Variants in FAM20B observed in about 807,000 individuals in gnomAD.
FAM20B encodes glycosaminoglycan xylosylkinase.
FAM20B carries 23 observed loss-of-function variants against 43.8 expected under a neutral mutation model. The ratio of observed to expected loss-of-function variants is 0.53; its 90% CI spans 0.38 to 0.74. The LOEUF (loss-of-function observed/expected upper bound fraction) is 0.74, where lower values mean the gene tolerates loss of function less well. Among genes scored for constraint, FAM20B ranks in the 30% least tolerant of loss-of-function variants. The pLI is 0.00. For missense variants in FAM20B, 440 were observed against 510.5 expected (o/e 0.86, Z 1.33); for synonymous variants, 178 against 192.4 (o/e 0.93, Z 0.62).
At chr1:179,018,861 A>G in the FAM20B span, among the ~76,000 whole-genome samples, 3 of 152,168 alleles carry the variant, frequency 2.0e-5, no homozygotes, top group Non-Finnish European at 2.9e-5. Flanking sequence ...AAGTCCCACA[A>G]TCTGCTGTCT....
At chr1:179,044,265 AT>A (rs776497148) in intron 2 of FAM20B, 41 bp downstream of exon 2, 4 of 1,548,566 alleles carry the variant, frequency 2.6e-6, no homozygotes, top group East Asian at 2.3e-5. Flanking sequence ...TAGTTGGTTG[AT>A]TCATTTAACT....
upstream of FAM20B, among the ~76,000 whole-genome samples, chr1:179,021,174 T>C (rs1438604155): frequency 6.6e-6 from 1 of 152,246 alleles, no homozygotes; most frequent in African/African-American, 2.4e-5. Flanking sequence ...CTGAACTCCT[T>C]ACCACATTAT....
At chr1:179,035,713 T>C (rs1441430580) in intron 1 of FAM20B, 11 of 323,214 alleles carry the variant, frequency 3.4e-5, no homozygotes, top group Non-Finnish European at 6.5e-5. Flanking sequence ...AGACCTCACT[T>C]TTTTTCTGTG....
At chr1:179,044,334 A>G in intron 2 of FAM20B, 110 bp downstream of exon 2, 2 of 1,234,654 alleles carry the variant, frequency 1.6e-6, no homozygotes, top group Non-Finnish European at 2.2e-6. Flanking sequence ...TCAGTAAAAT[A>G]AGAGGGGTAG....
intron 2 of FAM20B, among the ~76,000 whole-genome samples, chr1:179,046,486 A>C (rs929500504): frequency 3.3e-5 from 5 of 151,592 alleles, no homozygotes; most frequent in Admixed American, 2.6e-4. Flanking sequence ...CCCCATCTCT[A>C]CTAAAAATAC....
At chr1:179,032,138 C>T (rs987910260) in intron 1 of FAM20B, among the ~76,000 whole-genome samples, 1 of 152,106 alleles carries the variant, frequency 6.6e-6, no homozygotes, top group African/African-American at 2.4e-5. Flanking sequence ...TGGCCCCTCA[C>T]TATGTAACTG....
chr1:179,037,304 C>T (rs1212821041), intron 1 of FAM20B, among the ~76,000 whole-genome samples: 1 of 151,822 alleles, frequency 6.6e-6, no homozygotes, highest in East Asian at 1.9e-4. Context: ...CACTCTTACT[C>T]ATTCCACCAG....
At chr1:179,070,067 A>G (rs1311120771) in intron 7 of FAM20B, among the ~76,000 whole-genome samples, 2 of 152,148 alleles carry the variant, frequency 1.3e-5, no homozygotes, top group Non-Finnish European at 2.9e-5. Context: ...TTATTTTGAG[A>G]TGGAGTCTCG....
chr1:179,067,974 G>A (rs1651759511), intron 7 of FAM20B, among the ~76,000 whole-genome samples: 1 of 152,066 alleles, frequency 6.6e-6, no homozygotes, highest in African/African-American at 2.4e-5. Flanking sequence ...TGTTGGCCAG[G>A]CTGGTGTCAA....
intron 1 of FAM20B, among the ~76,000 whole-genome samples, chr1:179,030,077 T>G (rs1649944097): frequency 1.3e-5 from 2 of 152,196 alleles, no homozygotes; most frequent in African/African-American, 2.4e-5. Context: ...TCTTTTAAAT[T>G]TGCAGCTTCT....
chr1:179,072,358 T>A lies in FAM20B; in HGVS notation c.*214T>A, dbSNP rs1651960046. ...GAGACATTCCTGCTGAATCGCCTTC[T>A]CACCTCCTCGGCAATTGCTCATTCT... is the stretch of plus-strand genomic sequence containing the variant. On this transcript the variant is annotated 3_prime_UTR_variant, in exon 8 of 8. Transcript: ENST00000263733. 3.6e-6 allele frequency: 2 copies of A among 558,718 alleles called. No homozygotes were observed. The highest frequency in any genetic ancestry group is 6.4e-6 in the Non-Finnish European group (2 of 311,902). The allele number at this position is 558,718 out of a possible 1,614,324, so 34.6% of individuals were successfully genotyped here.
Position 179,072,268 on chromosome 1 carries a change from C to A in FAM20B, c.*124C>A, listed in dbSNP as rs1651956740. ...AAGTTCTGGTGACGGGACAGAGTGG[C>A]CTTGGATGTCTTTGGTATTTTCTGT... On this transcript the variant is annotated 3_prime_UTR_variant, in exon 8 of 8. Transcript: ENST00000263733. 2.9e-6 allele frequency: 2 copies of A among 699,478 alleles called. No individual in the cohort carries two copies. The highest frequency in any genetic ancestry group is 1.8e-5 in the African/African-American group (1 of 55,668). The allele number at this position is 699,478 out of a possible 1,614,324, so 43.3% of individuals were successfully genotyped here. A position where few individuals can be genotyped will look rare whatever the true frequency, so the allele number is the denominator to read the frequency against.
chr1:179,049,662 T>C (rs1412545766), intron 2 of FAM20B, among the ~76,000 whole-genome samples: 1 of 152,186 alleles, frequency 6.6e-6, no homozygotes, highest in African/African-American at 2.4e-5. Flanking sequence ...TGACTCAGCC[T>C]CCTGAGCAGC....
At chr1:179,064,526 G>C in intron 6 of FAM20B, 30 bp downstream of exon 6, 1 of 1,569,422 alleles carries the variant, frequency 6.4e-7, no homozygotes, top group Admixed American at 1.7e-5. Flanking sequence ...CCTTGTCAGG[G>C]AGGGGTTTCT....
At chr1:179,026,819 GC>G (rs1649810008) in intron 1 of FAM20B, among the ~76,000 whole-genome samples, 1 of 152,248 alleles carries the variant, frequency 6.6e-6, no homozygotes, top group South Asian at 2.1e-4. Context: ...TTGTCGAGCT[GC>G]GTCCTTGATT....
At chr1:179,043,399 C>T (rs1420819028) in intron 1 of FAM20B, among the ~76,000 whole-genome samples, 2 of 152,132 alleles carry the variant, frequency 1.3e-5, no homozygotes, top group African/African-American at 2.4e-5. Context: ...CCCAGGAACA[C>T]GGGGCCCCTG....
chr1:179,019,187 G>C, the FAM20B span, among the ~76,000 whole-genome samples: 1 of 152,158 alleles, frequency 6.6e-6, no homozygotes, highest in Non-Finnish European at 1.5e-5. Flanking sequence ...ATTTATCTGG[G>C]CATCCCATGG....
intron 7 of FAM20B, among the ~76,000 whole-genome samples, chr1:179,070,850 C>G (rs1348324677): frequency 6.6e-6 from 1 of 151,530 alleles, no homozygotes; most frequent in Non-Finnish European, 1.5e-5. Context: ...AGCATTAGTT[C>G]CACCCATGAG....
At chr1:179,071,122 G>T (rs971928501) in intron 7 of FAM20B, among the ~76,000 whole-genome samples, 1 of 151,676 alleles carries the variant, frequency 6.6e-6, no homozygotes, top group Non-Finnish European at 1.5e-5. Context: ...GTGAAAACCC[G>T]TCTCTACTAA....
Sources: allele counts gnomAD v4.1 joint callset (sites outside exome capture counted in the v4.1 genomes callset), GRCh38; gene constraint gnomAD v4.1.1; transcripts MANE v1.5; gene names NCBI Gene and HGNC (gene_info 2026-07-23, HGNC 2026-07-21).